SDK2: variants seen among roughly 807,000 people sequenced by gnomAD.
SDK2 encodes the protein protein sidekick-2.
A neutral mutation model predicts 253.9 loss-of-function variants in SDK2; 105 were observed. The observed-to-expected ratio is 0.41, with a 90% CI of 0.35 to 0.49. The LOEUF (loss-of-function observed/expected upper bound fraction) is 0.49, where lower values mean the gene tolerates loss of function less well. SDK2 is among the 20% of genes least tolerant of loss of function. SDK2 has a pLI of 0.06. For synonymous variants in SDK2, 1,249 were observed against 1,234.9 expected (o/e 1.01, Z -0.24); for missense variants, 2,608 against 3,003.0 (o/e 0.87, Z 3.07).
At position 73,616,231 on chromosome 17, in the gene SDK2, T is replaced by C. The variant is rs988468032; in HGVS notation, c.64+27794A>G. On this transcript the variant is annotated intron_variant, in intron 1 of 44. Transcript: ENST00000392650. This position sits in a 1 kb window ranked among gnomAD's most constrained non-coding sequence, Gnocchi z 5.2. ...TGACCTCAGGGCACTGTGAACCTTGTGCTCGGCAGCCCCAGGCATCCCGGT... is the reference window on the plus strand; with the variant it reads ...TGACCTCAGGGCACTGTGAACCTTGCGCTCGGCAGCCCCAGGCATCCCGGT... Among the ~76,000 whole-genome samples the C allele has an allele frequency of 6.6e-6, 1 of 152,158 alleles. No individual in the cohort carries two copies. The highest frequency in any genetic ancestry group is 1.5e-5 in the Non-Finnish European group (1 of 68,026).
At chr17:73,544,968 C>T (rs373940550) in intron 1 of SDK2, among the ~76,000 whole-genome samples, 8 of 129,516 alleles carry the variant, frequency 6.2e-5, no homozygotes, top group Non-Finnish European at 1.2e-4. Flanking sequence ...CCCAAGCACA[C>T]CCCCTTGTCA....
rs1391026197 is a variant in SDK2, at chr17:73,398,359, G to C, written c.3164C>G (p.Ser1055Cys). ...GGGGTTGAGGTCGGGCACCTCCATG[G>C]AGCGGGCATCGGGCTCATTGGAGAG... ...HQLSNEPDAR[S>C]MEVPDLNPFT... The change falls in exon 23 of 45, where the codon TCC (serine) becomes TGC (cysteine). Residue 1055 changes from serine to cysteine, a missense_variant. This residue lies in a region of SDK2 where 1,505 missense variants were observed against 1,859.1 expected (regional missense o/e 0.81). Transcript: ENST00000392650. The C allele has an allele frequency of 6.2e-7, 1 of 1,614,004 alleles. No individual in the cohort carries two copies. The highest frequency in any genetic ancestry group is 8.5e-7 in the Non-Finnish European group (1 of 1,179,870).
chr17:73,527,502 A>G (rs568977521), intron 1 of SDK2, among the ~76,000 whole-genome samples: 5 of 152,274 alleles, frequency 3.3e-5, no homozygotes, highest in South Asian at 2.1e-4. Flanking sequence ...GGGGACTCCT[A>G]TGGTTGGAGT....
rs112549542 is a variant in SDK2, at chr17:73,358,074, C to T, written c.5593+5G>A. On this transcript the variant is annotated splice_donor_5th_base_variant and intron_variant, in intron 40 of 44. Coordinates refer to ENST00000392650, the MANE Select transcript of SDK2 (RefSeq NM_001144952.2). ...GGGGTCTCAGCCCAGCAGGGCGGGG[C>T]GCACCTGAAGGTCTGGCCTCGATGA... The T allele has an allele frequency of 1.2e-4, 193 of 1,613,008 alleles. 2 individuals are homozygous for T. Among genetic ancestry groups the T allele is most frequent in the South Asian group, 7.1e-4 (65 of 91,046 alleles).
intron 1 of SDK2, among the ~76,000 whole-genome samples, chr17:73,543,354 A>G (rs965056346): frequency 6.6e-6 from 1 of 152,116 alleles, no homozygotes; most frequent in African/African-American, 2.4e-5. Context: ...CAAAGAAGGC[A>G]CACCAGGGCA....
chr17:73,446,959 GTC>G (rs1197148133), intron 5 of SDK2, among the ~76,000 whole-genome samples: 4 of 152,224 alleles, frequency 2.6e-5, no homozygotes, highest in African/African-American at 7.2e-5. Context: ...ACTGGCTTCA[GTC>G]TCGGCTGGAC....
In SDK2 at chr17:73,387,971, A is replaced by G; in HGVS notation, c.4259T>C (p.Leu1420Pro). The G allele has an allele frequency of 6.4e-7, 1 of 1,572,906 alleles. No individual in the cohort carries two copies. The highest frequency in any genetic ancestry group is 8.6e-7 in the Non-Finnish European group (1 of 1,159,960). ...CCCGTCGCTCCCTGGCTCCCAGGAC[A>G]GCAGCACGCTGCGTGCTCTCACATC... ...QEDVRARSVL[L>P]SWEPGSDGLS... The change falls in exon 30 of 45, where the codon CTG becomes CCG. Residue 1420 changes from leucine (L) to proline (P), a missense_variant. By Grantham distance (98) the Leu-to-Pro change is moderately conservative. Around this residue, in one of 2 missense-constraint regions of SDK2, gnomAD observed 1,103 missense variants for 1,143.9 expected, o/e 0.96. Coordinates refer to ENST00000392650, the MANE Select transcript of SDK2 (RefSeq NM_001144952.2).
intron 32 of SDK2, among the ~76,000 whole-genome samples, chr17:73,385,187 G>C (rs76024578): frequency 1.6e-3 from 239 of 152,238 alleles, no homozygotes; most frequent in African/African-American, 5.6e-3. Context: ...CTCTCATGTG[G>C]GTGACCTGCT....
intron 1 of SDK2, among the ~76,000 whole-genome samples, chr17:73,529,380 G>A (rs976495158): frequency 3.3e-5 from 5 of 152,138 alleles, no homozygotes; most frequent in East Asian, 3.9e-4. Flanking sequence ...AGCTAGCACC[G>A]TCAATATGAA....
In SDK2 at chr17:73,380,595, A is replaced by G. The variant is rs191868219; in HGVS notation, c.4762+299T>C. Among the ~76,000 whole-genome samples, 603 of 152,280 alleles carry G rather than the reference A, an allele frequency of 4.0e-3. 1 individual carries two copies. Among genetic ancestry groups the G allele is most frequent in the Non-Finnish European group, 6.7e-3 (456 of 68,012 alleles). On this transcript the variant is annotated intron_variant, in intron 34 of 44. Transcript: ENST00000392650. ...CTGCCCACCTACCCAGCAGCGTCCA[A>G]CAGCTTCTGCTGCGGCCCCGCTGTC...
chr17:73,482,976 G>A (rs1430134930), intron 2 of SDK2, among the ~76,000 whole-genome samples: 1 of 152,154 alleles, frequency 6.6e-6, no homozygotes, highest in Non-Finnish European at 1.5e-5. Context: ...ACAGCCAGGG[G>A]ACCTGGGCTC....
At position 73,388,045 on chromosome 17, in the gene SDK2, G is replaced by A. The variant is rs1466108452; in HGVS notation, c.4193-8C>T. ...TGGGGGGCTGCGGACGGTCTGGGAG[G>A]TGGCAGAGGGGGAGGAGCAGGTGAG... On this transcript the variant is annotated splice_polypyrimidine_tract_variant and splice_region_variant and intron_variant, in intron 29 of 44. Transcript: ENST00000392650. The A allele has an allele frequency of 3.8e-6, 6 of 1,560,216 alleles. No homozygotes were observed. The Admixed American group carries it at 5.7e-5, about 15-fold the overall frequency.
At chr17:73,482,327 G>C (rs901488429) in intron 2 of SDK2, among the ~76,000 whole-genome samples, 1 of 152,028 alleles carries the variant, frequency 6.6e-6, no homozygotes, top group East Asian at 1.9e-4. Flanking sequence ...TCCTCATAGG[G>C]CTGAGCAGGG....
At chr17:73,371,967 A>G (rs1357429826) in intron 36 of SDK2, among the ~76,000 whole-genome samples, 1 of 152,068 alleles carries the variant, frequency 6.6e-6, no homozygotes, top group African/African-American at 2.4e-5. Flanking sequence ...TAAAAAAAAA[A>G]AAAAGTGAGG....
rs781133747 is a variant in SDK2, at chr17:73,395,278, C to T, written c.3469G>A (p.Glu1157Lys). The T allele has an allele frequency of 6.2e-7, 1 of 1,613,950 alleles. No homozygotes were observed. Among genetic ancestry groups the T allele is most frequent in the East Asian group, 2.2e-5 (1 of 44,882 alleles). Residue 1157 changes from glutamate to lysine, a missense_variant, in exon 25 of 45, where the codon GAG becomes AAG. By Grantham distance (56) the Glu-to-Lys change is moderately conservative. Transcript: ENST00000392650. The surrounding 1 kb of genome is among the most constrained non-coding windows in gnomAD (Gnocchi z 4.3). Reference sequence around the variant, plus strand: ...AGGTCCTCGATGGTGTAGTCCCGCTCCACACGGTCCTGCACCACGTGGCTC... The same window carrying T: ...AGGTCCTCGATGGTGTAGTCCCGCTTCACACGGTCCTGCACCACGTGGCTC... ...TLSHVVQDRVERDYTIEDLEE... is the reference protein window; with the variant it reads ...TLSHVVQDRVKRDYTIEDLEE...
intron 1 of SDK2, among the ~76,000 whole-genome samples, chr17:73,599,673 GTTTCTTT>G (rs1351361497): frequency 6.6e-6 from 1 of 152,166 alleles, no homozygotes; most frequent in Non-Finnish European, 1.5e-5. Flanking sequence ...CATTAAGCCA[GTTTCTTT>G]TTTCTCTCAC....
chr17:73,624,712 C>T (rs1272704309), intron 1 of SDK2, among the ~76,000 whole-genome samples: 3 of 152,122 alleles, frequency 2.0e-5, no homozygotes, highest in Non-Finnish European at 2.9e-5. Flanking sequence ...CTGAGGCTGC[C>T]GGCATAAGCA....
intron 44 of SDK2, among the ~76,000 whole-genome samples, chr17:73,348,079 TCA>T (rs373279163): frequency 6.6e-6 from 1 of 152,202 alleles, no homozygotes; most frequent in East Asian, 1.9e-4. Context: ...AAGCTAGGAT[TCA>T]CACTCAGGTC....
chr17:73,353,913 C>A (rs1029718785), intron 40 of SDK2, among the ~76,000 whole-genome samples: 1 of 151,982 alleles, frequency 6.6e-6, no homozygotes, highest in Admixed American at 6.6e-5. Flanking sequence ...TCATGTTGGC[C>A]AGGCTGGTCT....
Sources: allele counts gnomAD v4.1 joint callset (sites outside exome capture counted in the v4.1 genomes callset), GRCh38; gene constraint gnomAD v4.1.1; regional missense constraint gnomAD v4.1.1; non-coding constraint Gnocchi (gnomAD v3.1); transcripts MANE v1.5; gene names NCBI Gene and HGNC (gene_info 2026-07-23, HGNC 2026-07-21).